The following UBE2Z variants were observed in gnomAD, a reference collection of about 807,000 sequenced individuals.
UBE2Z encodes ubiquitin conjugating enzyme E2 Z, also known as ubiquitin-conjugating enzyme E2 Z.
In UBE2Z, 10 loss-of-function variants were observed where a neutral mutation model predicts 32.6. The observed-to-expected ratio is 0.31, with a 90% CI of 0.19 to 0.52. The LOEUF is 0.52. Ranked by LOEUF, UBE2Z falls within the 20% of genes least tolerant of loss-of-function variation. The probability of loss-of-function intolerance (pLI) is 0.97; values close to 1 mark genes in which losing one functional copy is unlikely to be tolerated. For missense variants in UBE2Z, 343 were observed against 480.9 expected (o/e 0.71, Z 2.68); for synonymous variants, 183 against 190.8 (o/e 0.96, Z 0.34).
chr17:48,909,254 C>T (rs28528789), intron 1 of UBE2Z, among the ~76,000 whole-genome samples: 61,341 of 150,184 alleles, frequency 0.41, 12,803 homozygotes, highest in Admixed American at 0.5. Flanking sequence ...CTCTTCTCCT[C>T]TGGAGCCCCG....
At chr17:48,911,557 G>A (rs1242184177) in intron 2 of UBE2Z, 4 of 152,178 alleles carry the variant, frequency 2.6e-5, no homozygotes, top group African/African-American at 9.7e-5. Flanking sequence ...ACCTAATGCT[G>A]TTTAAGTGAA....
chr17:48,913,082 C>G lies in UBE2Z; in HGVS notation c.578+61C>G. 2 of 1,528,420 alleles carry G rather than the reference C, an allele frequency of 1.3e-6. 1 individual carries two copies. The highest frequency in any genetic ancestry group is 2.3e-5 in the South Asian group (2 of 85,870). The allele number at this position is 1,528,420 out of a possible 1,614,324, so 94.7% of individuals were successfully genotyped here. ...TAGCAGATAATTACTCTAGGTCAGC[C>G]TTTATCAACCGGAGTCCCTCATCTG... is the stretch of plus-strand genomic sequence containing the variant. On this transcript the variant is annotated intron_variant, in intron 3 of 6. Coordinates refer to ENST00000360943, the MANE Select transcript of UBE2Z (RefSeq NM_023079.5).
rs1174628020 is a variant in UBE2Z at position 48,928,506 on chromosome 17, T to G, written c.*1372T>G. ...GCCTCAGTCAGTGTCCAGCCATGCA[T>G]AAGGGAGAGGATAGTGTGTACCTGC... On this transcript the variant is annotated 3_prime_UTR_variant, in exon 7 of 7. Transcript: ENST00000360943. 6.5e-6 allele frequency: 1 copy of G among 152,678 alleles called. No homozygotes were observed. Among genetic ancestry groups the G allele is most frequent in the African/African-American group, 2.4e-5 (1 of 41,430 alleles). The allele number at this position is 152,678 out of a possible 1,614,324, so 9.5% of individuals were successfully genotyped here.
chr17:48,921,509 GT>G (rs1452236714), intron 5 of UBE2Z, among the ~76,000 whole-genome samples: 2 of 152,170 alleles, frequency 1.3e-5, no homozygotes, highest in Non-Finnish European at 2.9e-5. Flanking sequence ...GGAGCTTCCA[GT>G]TTGATGAAGG....
In UBE2Z at chr17:48,928,898, T is replaced by C. The variant is rs1306091343; in HGVS notation, c.*1764T>C. 6.5e-6 allele frequency: 1 copy of C among 152,736 alleles called. No homozygotes were observed. The highest frequency in any genetic ancestry group is 1.9e-4 in the East Asian group (1 of 5,204). The allele number at this position is 152,736 out of a possible 1,614,324, so 9.5% of individuals were successfully genotyped here. On this transcript the variant is annotated 3_prime_UTR_variant, in exon 7 of 7. Transcript: ENST00000360943. ...CTTGGCCCTGCCATAGGGCAGAGCA[T>C]GTCTGGCATAGCAGCCTGACTTTTA...
intron 3 of UBE2Z, among the ~76,000 whole-genome samples, chr17:48,914,763 A>G (rs1398542578): frequency 2.6e-5 from 4 of 152,114 alleles, no homozygotes; most frequent in Non-Finnish European, 5.9e-5. Context: ...GGTGGCTCAC[A>G]CCTGTAATCC....
chr17:48,914,066 C>CT (rs752600185), intron 3 of UBE2Z, among the ~76,000 whole-genome samples: 45 of 152,224 alleles, frequency 3.0e-4, no homozygotes, highest in Non-Finnish European at 5.1e-4. Flanking sequence ...TGACAAATGT[C>CT]TGAGATTGGA....
chr17:48,908,658 C>G lies in UBE2Z; in HGVS notation c.155C>G (p.Ala52Gly), dbSNP rs1168528381. The G allele has an allele frequency of 1.6e-6, 2 of 1,219,190 alleles. No homozygotes were observed. Among genetic ancestry groups the G allele is most frequent in the Non-Finnish European group, 2.0e-6 (2 of 978,888 alleles). 75.5% of individuals were successfully genotyped at this position (1,219,190 alleles called of 1,614,324 possible). ...LPDVWAAAAA[A>G]GGAGGPGSGL... ...GATGTGTGGGCGGCGGCGGCGGCAG[C>G]GGGCGGGGCCGGGGGCCCGGGGAGC... is the stretch of plus-strand genomic sequence containing the variant. The change falls in exon 1 of 7, where the codon GCG becomes GGG. Residue 52 changes from alanine to glycine, a missense_variant. By Grantham distance (60) the Ala-to-Gly change is moderately conservative (BLOSUM62 0). This residue lies in a region of UBE2Z where 103 missense variants were observed against 96.2 expected (regional missense o/e 1.07). Transcript: ENST00000360943.
intron 4 of UBE2Z, among the ~76,000 whole-genome samples, chr17:48,919,276 G>A (rs1284497397): frequency 5.3e-5 from 8 of 151,884 alleles, no homozygotes; most frequent in Admixed American, 5.3e-4. Flanking sequence ...GAGCTACCGC[G>A]CCTGGCCCAT....
intron 6 of UBE2Z, among the ~76,000 whole-genome samples, chr17:48,925,395 A>G (rs1028200596): frequency 4.6e-5 from 7 of 152,106 alleles, no homozygotes; most frequent in Admixed American, 3.9e-4. Context: ...CCCAACACCA[A>G]CAGCGTAGGA....
At chr17:48,924,527 A>G (rs943016863) in intron 6 of UBE2Z, among the ~76,000 whole-genome samples, 3 of 152,078 alleles carry the variant, frequency 2.0e-5, no homozygotes, top group Admixed American at 2.0e-4. Flanking sequence ...GCTTGTTTTA[A>G]GGAAGGAGGC....
chr17:48,913,243 A>C (rs549469943), intron 3 of UBE2Z, among the ~76,000 whole-genome samples: 16 of 152,278 alleles, frequency 1.1e-4, no homozygotes, highest in Admixed American at 9.2e-4. Flanking sequence ...GGTTCTCTTA[A>C]GAGTGTGGCC....
Position 48,908,539 on chromosome 17 carries a change from G to C in UBE2Z, c.36G>C (p.Ala12=), listed in dbSNP as rs1353349494. The change falls in exon 1 of 7, where the codon GCG becomes GCC. Residue 12 remains alanine (A), a synonymous_variant. Transcript: ENST00000360943. ...AESPTEEAAT[A]GAGAAGPGAS... Reference sequence around the variant, plus strand: ...GTCCGACTGAGGAGGCGGCAACGGCGGGCGCCGGGGCGGCGGGCCCCGGGG... The same window carrying C: ...GTCCGACTGAGGAGGCGGCAACGGCCGGCGCCGGGGCGGCGGGCCCCGGGG... 8.1e-7 allele frequency: 1 copy of C among 1,236,346 alleles called. No individual in the cohort carries two copies. The highest frequency in any genetic ancestry group is 1.6e-5 in the African/African-American group (1 of 64,348). The allele number at this position is 1,236,346 out of a possible 1,614,324, so 76.6% of individuals were successfully genotyped here. A position where few individuals can be genotyped will look rare whatever the true frequency, so the allele number is the denominator to read the frequency against.
intron 1 of UBE2Z, chr17:48,910,511 G>C (rs1214758807): frequency 6.2e-6 from 2 of 320,814 alleles, no homozygotes; most frequent in Non-Finnish European, 1.2e-5. Flanking sequence ...AGAGTAAGTG[G>C]AAAGTGGCTT....
In UBE2Z at chr17:48,922,889, C is replaced by T. The variant is rs1058018; in HGVS notation, c.846C>T (p.Tyr282=). The change falls in exon 6 of 7, where the codon TAC becomes TAT. Residue 282 remains tyrosine (Y), a synonymous_variant. Transcript: ENST00000360943. Reference sequence around the variant, plus strand: ...CCTTTCTGGAGTATTACGACTTCTACGAGGTGGCCTGCAAAGATCGCCTGC... The same window carrying T: ...CCTTTCTGGAGTATTACGACTTCTATGAGGTGGCCTGCAAAGATCGCCTGC... ...EKSFLEYYDF[Y]EVACKDRLHL... The T allele has an allele frequency of 0.58, 928,339 of 1,610,596 alleles. 270,038 individuals are homozygous for T. The highest frequency in any genetic ancestry group is 0.75 in the East Asian group (33,543 of 44,824).
chr17:48,911,186 A>T (rs554524740), intron 2 of UBE2Z: 28 of 350,178 alleles, frequency 8.0e-5, no homozygotes, highest in African/African-American at 5.5e-4. Flanking sequence ...TTTGGATAAT[A>T]AATTATATGG....
intron 2 of UBE2Z, chr17:48,912,237 C>T (rs1243328559): frequency 6.5e-6 from 1 of 152,690 alleles, no homozygotes; most frequent in Non-Finnish European, 1.5e-5. Context: ...TCCATCACAC[C>T]CCCTAACCCT....
intron 1 of UBE2Z, chr17:48,910,416 T>TA (rs1291792412): frequency 1.6e-5 from 3 of 191,420 alleles, no homozygotes; most frequent in African/African-American, 4.6e-5. Flanking sequence ...TTCCAGTTAC[T>TA]AAAAAATCTT....
chr17:48,926,887 A>G lies in UBE2Z; in HGVS notation c.895-77A>G, dbSNP rs950025824. On this transcript the variant is annotated intron_variant, in intron 6 of 6. Transcript: ENST00000360943. ...CTCAGAAGTTGAGCTTTCATTTCAC[A>G]TGGGCCCGAAGTTGCTTTCTCTAGG... The G allele has an allele frequency of 2.0e-6, 3 of 1,465,602 alleles. No homozygotes were observed. In the Admixed American group the frequency reaches 6.7e-5, roughly 33 times the overall value. The allele number at this position is 1,465,602 out of a possible 1,614,324, so 90.8% of individuals were successfully genotyped here.
Sources: allele counts gnomAD v4.1 joint callset (sites outside exome capture counted in the v4.1 genomes callset), GRCh38; gene constraint gnomAD v4.1.1; regional missense constraint gnomAD v4.1.1; transcripts MANE v1.5; gene names NCBI Gene and HGNC (gene_info 2026-07-23, HGNC 2026-07-21).